Variants in ABCB1 observed in about 807,000 individuals in gnomAD.
The protein encoded by ABCB1 is ATP-dependent translocase ABCB1.
A neutral mutation model predicts 142.0 loss-of-function variants in ABCB1; 69 were observed. The ratio of observed to expected loss-of-function variants is 0.49; its 90% CI spans 0.40 to 0.59. The LOEUF is 0.59. Among genes scored for constraint, ABCB1 ranks in the 20% least tolerant of loss-of-function variants. The pLI is 0.00. For missense variants in ABCB1, 1,326 were observed against 1,554.7 expected (o/e 0.85, Z 2.47); for synonymous variants, 532 against 539.2 (o/e 0.99, Z 0.18).
chr7:87,522,790 G>A (rs1458545336), intron 21 of ABCB1, among the ~76,000 whole-genome samples: 3 of 151,098 alleles, frequency 2.0e-5, no homozygotes, highest in Non-Finnish European at 4.4e-5. Flanking sequence ...TTTCCATATT[G>A]TTTTTTTCCT....
chr7:87,578,992 C>T (rs886714372), intron 4 of ABCB1, among the ~76,000 whole-genome samples: 2 of 152,178 alleles, frequency 1.3e-5, no homozygotes, highest in Non-Finnish European at 2.9e-5. Flanking sequence ...CGCGCCCGGC[C>T]GAGATTACTT....
intron 18 of ABCB1, among the ~76,000 whole-genome samples, 168 bp downstream of exon 18, chr7:87,541,189 A>G (rs117552979): frequency 1.6e-3 from 247 of 152,302 alleles, no homozygotes; most frequent in Non-Finnish European, 2.4e-3. Context: ...CAAGGGAGCC[A>G]GAGGAGGCAA....
At chr7:87,666,001 G>A (rs1478782749) in intron 1 of ABCB1, among the ~76,000 whole-genome samples, 1 of 151,998 alleles carries the variant, frequency 6.6e-6, no homozygotes, top group Non-Finnish European at 1.5e-5. Flanking sequence ...GTATATACCC[G>A]GTAATGGGAT....
intron 1 of ABCB1, among the ~76,000 whole-genome samples, chr7:87,677,026 T>G (rs1826438823): frequency 6.6e-6 from 1 of 152,030 alleles, no homozygotes; most frequent in African/African-American, 2.4e-5. Context: ...ACTCTATTGG[T>G]GGGAATGTAG....
At chr7:87,594,925 T>G (rs1275401200) in intron 3 of ABCB1, among the ~76,000 whole-genome samples, 3 of 152,198 alleles carry the variant, frequency 2.0e-5, no homozygotes, top group Non-Finnish European at 2.9e-5. Context: ...ATAAAGCATG[T>G]GCTGTTGGAC....
chr7:87,705,135 G>A (rs1447386073), intron 1 of ABCB1, among the ~76,000 whole-genome samples: 1 of 151,968 alleles, frequency 6.6e-6, no homozygotes, highest in African/African-American at 2.4e-5. Flanking sequence ...TCTAGGTTAA[G>A]ATCAATGGGC....
intron 1 of ABCB1, among the ~76,000 whole-genome samples, chr7:87,673,382 A>G (rs900761024): frequency 1.3e-5 from 2 of 152,170 alleles, no homozygotes; most frequent in Non-Finnish European, 2.9e-5. Context: ...GTCTCTTTAC[A>G]TAATCCCATA....
intron 20 of ABCB1, among the ~76,000 whole-genome samples, chr7:87,533,809 T>C (rs78666502): frequency 0.027 from 4,087 of 152,296 alleles, 56 homozygotes; most frequent in Non-Finnish European, 0.038. Context: ...TGATAACAGC[T>C]ACATTGGGCT....
At chr7:87,593,481 T>C (rs758086823) in intron 3 of ABCB1, among the ~76,000 whole-genome samples, 11 of 152,232 alleles carry the variant, frequency 7.2e-5, no homozygotes, top group Non-Finnish European at 1.2e-4. Flanking sequence ...AGACAAGAGC[T>C]AACACAGCAG....
chr7:87,581,735 T>G (rs1818517398), intron 4 of ABCB1, among the ~76,000 whole-genome samples: 1 of 152,202 alleles, frequency 6.6e-6, no homozygotes, highest in Non-Finnish European at 1.5e-5. Flanking sequence ...GCTGTCTAAT[T>G]AGATCCTATG....
intron 16 of ABCB1, 149 bp from the exon 17 acceptor site, chr7:87,544,424 T>C: frequency 3.5e-6 from 3 of 855,514 alleles, no homozygotes; most frequent in East Asian, 2.6e-5. Flanking sequence ...AAAAATGTCA[T>C]AGTGATTATT....
chr7:87,619,253 A>G (rs1176016067), intron 1 of ABCB1, among the ~76,000 whole-genome samples: 1 of 152,204 alleles, frequency 6.6e-6, no homozygotes, highest in African/African-American at 2.4e-5. Flanking sequence ...ATGAAATGTA[A>G]GCTTGGCTGG....
intron 1 of ABCB1, among the ~76,000 whole-genome samples, chr7:87,631,373 T>C (rs1023052725): frequency 6.6e-6 from 1 of 152,186 alleles, no homozygotes; most frequent in Non-Finnish European, 1.5e-5. Flanking sequence ...ATGTCTCTTA[T>C]GAATTCTTTT....
chr7:87,549,576 T>A lies in ABCB1; in HGVS notation c.1555-58A>T. On this transcript the variant is annotated intron_variant, in intron 13 of 27. Transcript: ENST00000622132. Reference sequence around the variant, plus strand: ...AGGACAAGCTATCTCAGCTCATATTTTAAATTGGTAAGGAATCCTATACAC... The same window carrying A: ...AGGACAAGCTATCTCAGCTCATATTATAAATTGGTAAGGAATCCTATACAC... 3 of 1,612,998 alleles carry A rather than the reference T, an allele frequency of 1.9e-6. No individual in the cohort carries two copies. The Admixed American group carries it at 5.0e-5, about 27-fold the overall frequency.
At chr7:87,695,035 T>C (rs1828381006) in intron 1 of ABCB1, among the ~76,000 whole-genome samples, 1 of 152,136 alleles carries the variant, frequency 6.6e-6, no homozygotes, top group African/African-American at 2.4e-5. Context: ...TGATTCTTAG[T>C]GCCTAAATGA....
chr7:87,606,255 G>A (rs1229078103), intron 1 of ABCB1, among the ~76,000 whole-genome samples: 10 of 151,986 alleles, frequency 6.6e-5, no homozygotes, highest in Admixed American at 3.3e-4. Flanking sequence ...ACAAAGAAAT[G>A]CAAATTACAA....
intron 1 of ABCB1, among the ~76,000 whole-genome samples, chr7:87,703,914 G>GTTT (rs35797972): frequency 8.7e-3 from 372 of 42,962 alleles, no homozygotes; most frequent in East Asian, 0.013. Flanking sequence ...TTTTTTTTTG[G>GTTT]TTTTTTTTTT....
chr7:87,653,108 A>G (rs1326169268), intron 1 of ABCB1, among the ~76,000 whole-genome samples: 1 of 152,038 alleles, frequency 6.6e-6, no homozygotes, highest in East Asian at 1.9e-4. Context: ...TATTAATATT[A>G]TTTGCAGTAA....
chr7:87,634,640 A>C (rs1033952604), intron 1 of ABCB1, among the ~76,000 whole-genome samples: 1 of 151,484 alleles, frequency 6.6e-6, no homozygotes, highest in East Asian at 1.9e-4. Flanking sequence ...AAAAAAAAGA[A>C]AAAAAAAAGA....
Sources: gnomAD v4.1 joint callset for allele counts (sites outside exome capture counted in the v4.1 genomes callset) on GRCh38, gnomAD v4.1.1 for gene constraint, MANE v1.5 for transcripts, NCBI Gene and HGNC (gene_info 2026-07-23, HGNC 2026-07-21) for gene names.